The following VIT variants were observed in gnomAD, a reference collection of about 807,000 sequenced individuals.
VIT encodes the protein vitrin.
VIT carries 99 observed loss-of-function variants against 78.0 expected under a neutral mutation model. That is an observed-to-expected ratio of 1.27 (90% CI 1.08 to 1.50). The LOEUF is 1.50. VIT is among the 40% of genes most tolerant of loss of function. The pLI, the probability that VIT is intolerant of heterozygous loss-of-function variation, is 0.00. For missense variants in VIT, 1,126 were observed against 875.3 expected (o/e 1.29, Z -3.61); for synonymous variants, 374 against 334.3 (o/e 1.12, Z -1.29).
At chr2:36,776,504 G>C (rs1010147704) in intron 9 of VIT, among the ~76,000 whole-genome samples, 1 of 152,136 alleles carries the variant, frequency 6.6e-6, no homozygotes. Flanking sequence ...TCACTTTGAA[G>C]TAAATTAATA....
intron 3 of VIT, among the ~76,000 whole-genome samples, chr2:36,735,953 G>A (rs1160030072): frequency 2.0e-5 from 3 of 152,194 alleles, no homozygotes; most frequent in Non-Finnish European, 4.4e-5. Flanking sequence ...GGGAAAAAAT[G>A]CAATGGGAAG....
intron 4 of VIT, among the ~76,000 whole-genome samples, chr2:36,752,725 AC>A (rs1258390490): frequency 6.6e-6 from 1 of 152,140 alleles, no homozygotes; most frequent in Admixed American, 6.5e-5. Flanking sequence ...TTGCCAGCTC[AC>A]CCAATCCTGA....
At chr2:36,776,771 G>A (rs1460950886) in intron 9 of VIT, among the ~76,000 whole-genome samples, 3 of 151,068 alleles carry the variant, frequency 2.0e-5, no homozygotes, top group African/African-American at 7.3e-5. Flanking sequence ...CTCCAACCTA[G>A]GTCACAGAGT....
intron 15 of VIT, 65 bp from the exon 16 acceptor site, chr2:36,814,116 AAG>A (rs1558601698): frequency 6.4e-7 from 1 of 1,567,254 alleles, no homozygotes; most frequent in Non-Finnish European, 8.7e-7. Flanking sequence ...GGGCCACAAG[AAG>A]AGAGAGATTC....
chr2:36,779,928 C>T (rs1323407779), intron 9 of VIT, among the ~76,000 whole-genome samples: 2 of 151,298 alleles, frequency 1.3e-5, no homozygotes, highest in Non-Finnish European at 3.0e-5. Context: ...AAACTGGAGG[C>T]AAACCTGGAA....
intron 7 of VIT, among the ~76,000 whole-genome samples, chr2:36,771,498 C>G (rs1463198995): frequency 1.3e-5 from 2 of 148,796 alleles, no homozygotes; most frequent in Admixed American, 6.7e-5. Context: ...TGCACTCCAG[C>G]CTGGGTAATA....
chr2:36,743,436 T>G (rs1667957813), intron 4 of VIT, among the ~76,000 whole-genome samples, 180 bp downstream of exon 4: 1 of 152,246 alleles, frequency 6.6e-6, no homozygotes, highest in Non-Finnish European at 1.5e-5. Flanking sequence ...CCAACAGTTG[T>G]TTTTTTCTTC....
intron 1 of VIT, among the ~76,000 whole-genome samples, chr2:36,698,481 T>G (rs920878845): frequency 6.6e-6 from 1 of 152,226 alleles, no homozygotes; most frequent in Non-Finnish European, 1.5e-5. Flanking sequence ...GTAACAGCTC[T>G]GCCACTACCT....
intron 1 of VIT, among the ~76,000 whole-genome samples, chr2:36,701,534 G>T (rs1375860080): frequency 6.6e-6 from 1 of 152,204 alleles, no homozygotes; most frequent in African/African-American, 2.4e-5. Flanking sequence ...CTTCTGTGTG[G>T]ACGTGTGGTA....
chr2:36,805,383 C>T (rs145113036), intron 13 of VIT, 55 bp from the exon 14 acceptor site: 1 of 1,513,862 alleles, frequency 6.6e-7, no homozygotes, highest in Non-Finnish European at 8.9e-7. Context: ...GTGATCTCTT[C>T]CTGTATTTAT....
At chr2:36,705,551 G>C (rs1470463383) in intron 1 of VIT, among the ~76,000 whole-genome samples, 1 of 152,146 alleles carries the variant, frequency 6.6e-6, no homozygotes, top group Non-Finnish European at 1.5e-5. Context: ...ATGCCACATG[G>C]ATCAACGAAC....
intron 15 of VIT, among the ~76,000 whole-genome samples, chr2:36,812,051 C>G (rs1340631035): frequency 6.6e-6 from 1 of 152,162 alleles, no homozygotes; most frequent in Non-Finnish European, 1.5e-5. Context: ...GGAAGGAGGG[C>G]TTAGACTGTC....
chr2:36,774,725 G>T, intron 8 of VIT: 3 of 985,364 alleles, frequency 3.0e-6, no homozygotes, highest in Non-Finnish European at 3.6e-6. Context: ...TTGAGAATGA[G>T]AACACTGGCC....
In VIT at chr2:36,808,849, G is replaced by T; in HGVS notation, c.1767G>T (p.Thr589=). The T allele has an allele frequency of 1.9e-6, 3 of 1,614,164 alleles. No homozygotes were observed. Among genetic ancestry groups the T allele is most frequent in the Non-Finnish European group, 2.5e-6 (3 of 1,180,030 alleles). The change falls in exon 15 of 16, where the codon ACG becomes ACT. Residue 589 remains threonine, a synonymous_variant. Transcript: ENST00000379242. ...RVGYWSGGTS[T]GAAINFALEQ... ...GCTACTGGAGTGGTGGCACCAGCACGGGGGCTGCCATCAACTTCGCCCTGG... is the reference window on the plus strand; with the variant it reads ...GCTACTGGAGTGGTGGCACCAGCACTGGGGCTGCCATCAACTTCGCCCTGG...
At chr2:36,719,464 A>G (rs536200259) in intron 2 of VIT, among the ~76,000 whole-genome samples, 2 of 152,340 alleles carry the variant, frequency 1.3e-5, no homozygotes, top group Non-Finnish European at 2.9e-5. Flanking sequence ...GTTAGAACTA[A>G]CAAATGAATT....
chr2:36,708,112 C>A (rs1665555277), intron 1 of VIT, among the ~76,000 whole-genome samples: 1 of 143,952 alleles, frequency 6.9e-6, no homozygotes, highest in Non-Finnish European at 1.5e-5. Context: ...AAAGGACCTC[C>A]CCCCCCCGCC....
At chr2:36,787,000 T>A in intron 11 of VIT, 129 bp from the exon 12 acceptor site, 1 of 1,192,180 alleles carries the variant, frequency 8.4e-7, no homozygotes, top group Non-Finnish European at 1.2e-6. Flanking sequence ...ATACCCTGCA[T>A]CTTCCTACCT....
intron 4 of VIT, among the ~76,000 whole-genome samples, chr2:36,749,000 A>G (rs1668301644): frequency 6.6e-6 from 1 of 152,176 alleles, no homozygotes; most frequent in African/African-American, 2.4e-5. Flanking sequence ...CGTCGACCTT[A>G]CTGTGGAGGG....
intron 1 of VIT, among the ~76,000 whole-genome samples, 196 bp from the exon 2 acceptor site, chr2:36,716,157 C>T (rs1405421827): frequency 6.6e-6 from 1 of 152,198 alleles, no homozygotes; most frequent in African/African-American, 2.4e-5. Context: ...GGCTTTCTAA[C>T]TGAGAATAGC....
Sources: gnomAD v4.1 joint callset for allele counts (sites outside exome capture counted in the v4.1 genomes callset) on GRCh38, gnomAD v4.1.1 for gene constraint, MANE v1.5 for transcripts, NCBI Gene and HGNC (gene_info 2026-07-23, HGNC 2026-07-21) for gene names.